The following IRAK3 variants were observed in gnomAD, a reference collection of about 807,000 sequenced individuals.
IRAK3 encodes interleukin-1 receptor-associated kinase 3.
IRAK3 carries 57 observed loss-of-function variants against 56.6 expected under a neutral mutation model. The ratio of observed to expected loss-of-function variants is 1.01; its 90% CI spans 0.81 to 1.26. The LOEUF (loss-of-function observed/expected upper bound fraction) is 1.26. Ranked by LOEUF, IRAK3 falls within the 50% of genes most tolerant of loss-of-function variation. The probability of loss-of-function intolerance (pLI) is 0.00; values close to 1 mark genes in which losing one functional copy is unlikely to be tolerated. For synonymous variants in IRAK3, 258 were observed against 255.7 expected (o/e 1.01, Z -0.09); for missense variants, 703 against 719.0 (o/e 0.98, Z 0.25).
intron 1 of IRAK3, among the ~76,000 whole-genome samples, chr12:66,191,016 A>C (rs1177237040): frequency 6.6e-6 from 1 of 152,206 alleles, no homozygotes; most frequent in Non-Finnish European, 1.5e-5. Context: ...GGACCACCCA[A>C]ATGAGAACAA....
chr12:66,219,707 A>C (rs921290439), intron 6 of IRAK3, among the ~76,000 whole-genome samples: 1 of 151,850 alleles, frequency 6.6e-6, no homozygotes, highest in Non-Finnish European at 1.5e-5. Flanking sequence ...ACCCTCAGCA[A>C]CTCTTGTATC....
Position 66,189,294 on chromosome 12 carries a change from C to A in IRAK3, c.-6C>A. On this transcript the variant is annotated 5_prime_UTR_variant, in exon 1 of 12. Coordinates refer to ENST00000261233, the MANE Select transcript of IRAK3 (RefSeq NM_007199.3). ...GCCTCGTCCCCGGGGCTCGGGCAGC[C>A]GAGCCATGGCGGGGAACTGTGGGGC... 5 of 1,535,768 alleles carry A rather than the reference C, an allele frequency of 3.3e-6. No homozygotes were observed. The highest frequency in any genetic ancestry group is 4.4e-6 in the Non-Finnish European group (5 of 1,147,538).
intron 8 of IRAK3, among the ~76,000 whole-genome samples, chr12:66,240,355 A>C (rs1009989961): frequency 6.6e-6 from 1 of 152,206 alleles, no homozygotes; most frequent in Non-Finnish European, 1.5e-5. Context: ...AGAAGGCACC[A>C]ACAAGCAAAA....
intron 8 of IRAK3, among the ~76,000 whole-genome samples, chr12:66,230,983 T>C (rs935471831): frequency 6.6e-6 from 1 of 152,160 alleles, no homozygotes; most frequent in Non-Finnish European, 1.5e-5. Context: ...TAATAGCTTC[T>C]ATCTCCTAGG....
chr12:66,236,750 G>T (rs1212542024), intron 8 of IRAK3, among the ~76,000 whole-genome samples: 1 of 151,936 alleles, frequency 6.6e-6, no homozygotes, highest in Non-Finnish European at 1.5e-5. Flanking sequence ...TTTTGTACTG[G>T]GCTCTGTACT....
intron 8 of IRAK3, among the ~76,000 whole-genome samples, chr12:66,232,336 A>G (rs922187274): frequency 1.3e-5 from 2 of 152,174 alleles, no homozygotes; most frequent in Non-Finnish European, 2.9e-5. Flanking sequence ...GGGCTCATCA[A>G]TGTGTCCCTG....
Position 66,248,809 on chromosome 12 carries a change from TGAC to T in IRAK3, c.*639_*641del, listed in dbSNP as rs1457841465. 2.0e-5 allele frequency: 3 copies of T among 152,390 alleles called. No homozygotes were observed. The East Asian group carries it at 5.8e-4, about 29-fold the overall frequency. 9.4% of individuals were successfully genotyped at this position (152,390 alleles called of 1,614,324 possible). ...ACTCTTAGGACAGTTTATCCTGTAT[TGAC>T]TATTATTACAGCTTTTTAAAAACAG... On this transcript the variant is annotated 3_prime_UTR_variant, in exon 12 of 12. Coordinates refer to ENST00000261233, the MANE Select transcript of IRAK3 (RefSeq NM_007199.3).
Position 66,247,764 on chromosome 12 carries a change from T to C in IRAK3, c.1384T>C (p.Ser462Pro), listed in dbSNP as rs748786712. The part of the protein sequence containing the change: ...FAEDPPTSLK[S>P]FRCPSPLFLE... The stretch of plus-strand genomic sequence containing the variant: ...TGAAGATCCTCCCACATCACTAAAG[T>C]CCTTCAGGTGTCCTTCTCCTCTATT... Residue 462 changes from serine to proline, a missense_variant, in exon 12 of 12, where the codon TCC (serine) becomes CCC (proline). Transcript: ENST00000261233. The C allele has an allele frequency of 6.2e-7, 1 of 1,614,180 alleles. No homozygotes were observed. The highest frequency in any genetic ancestry group is 1.1e-5 in the South Asian group (1 of 91,090).
chr12:66,189,516 G>A, intron 1 of IRAK3, 84 bp downstream of exon 1: 8 of 936,668 alleles, frequency 8.5e-6, no homozygotes, highest in Non-Finnish European at 1.1e-5. Context: ...CATGGCTGGG[G>A]TCCCTCGCGG....
At chr12:66,197,960 A>G (rs1459849127) in intron 1 of IRAK3, 9 of 985,272 alleles carry the variant, frequency 9.1e-6, no homozygotes, top group Non-Finnish European at 2.4e-6. Context: ...GTATGGAATG[A>G]AAAGCTGACA....
intron 8 of IRAK3, among the ~76,000 whole-genome samples, chr12:66,231,084 A>G (rs913719719): frequency 1.3e-5 from 2 of 152,222 alleles, no homozygotes; most frequent in African/African-American, 4.8e-5. Context: ...GGAGTGGCAC[A>G]GTGACAGAGG....
intron 4 of IRAK3, among the ~76,000 whole-genome samples, 196 bp downstream of exon 4, chr12:66,210,397 G>T (rs1253902372): frequency 6.6e-6 from 1 of 151,740 alleles, no homozygotes; most frequent in Non-Finnish European, 1.5e-5. Context: ...TTATGTTAAG[G>T]CTCCATTGGC....
rs1315013542 is a variant in IRAK3 at position 66,203,568 on chromosome 12, C to A, written c.134-143C>A. On this transcript the variant is annotated intron_variant, in intron 1 of 11. Transcript: ENST00000261233. ...TTAGCAGAAGGCAGGTGAATATATT[C>A]CAAATTAGTTCAAAATAAAAGTTAT... 3.9e-6 allele frequency: 3 copies of A among 776,418 alleles called. No homozygotes were observed. In the East Asian group the frequency reaches 8.0e-5, roughly 21 times the overall value. 48.1% of individuals were successfully genotyped at this position (776,418 alleles called of 1,614,324 possible).
intron 1 of IRAK3, among the ~76,000 whole-genome samples, chr12:66,193,408 G>A (rs528800199): frequency 6.6e-5 from 10 of 152,200 alleles, no homozygotes; most frequent in East Asian, 1.9e-4. Flanking sequence ...AGTACACTCC[G>A]CACCCAGTTT....
At chr12:66,202,001 ATG>A (rs2052512400) in intron 1 of IRAK3, among the ~76,000 whole-genome samples, 1 of 152,168 alleles carries the variant, frequency 6.6e-6, no homozygotes, top group Non-Finnish European at 1.5e-5. Flanking sequence ...GATTTTGCTA[ATG>A]TGTGTCTCAC....
At chr12:66,197,951 TA>T (rs1204296962) in intron 1 of IRAK3, 28 of 985,260 alleles carry the variant, frequency 2.8e-5, no homozygotes, top group Non-Finnish European at 3.1e-5. Flanking sequence ...TTATGGAAAG[TA>T]TGGAATGAAA....
rs753453927 is a variant in IRAK3, at chr12:66,244,999, CAT to C, written c.1141_1142del (p.Ile381ProfsTer7). 5 of 1,613,836 alleles carry C rather than the reference CAT, an allele frequency of 3.1e-6. No individual in the cohort carries two copies. The highest frequency in any genetic ancestry group is 4.2e-6 in the Non-Finnish European group (5 of 1,179,736). On this transcript the variant is annotated frameshift_variant, in exon 10 of 12. Coordinates refer to ENST00000261233, the MANE Select transcript of IRAK3 (RefSeq NM_007199.3). LOFTEE classifies it high-confidence loss of function. ...GCRVVLDDPK[H>X]IQLRDLLREL... ...TAGAGTAGTGTTAGATGATCCAAAACATATCCAGCTGGTAAGAATTGTTTTCA... is the reference window on the plus strand; with the variant it reads ...TAGAGTAGTGTTAGATGATCCAAAACATCCAGCTGGTAAGAATTGTTTTCA...
At chr12:66,220,544 G>A (rs1477415206) in intron 6 of IRAK3, among the ~76,000 whole-genome samples, 107 of 87,202 alleles carry the variant, frequency 1.2e-3, no homozygotes, top group Non-Finnish European at 1.7e-3. Context: ...TTTTTGAGAC[G>A]GAGTCTCGCT....
At chr12:66,243,869 C>G (rs2052998687) in intron 8 of IRAK3, among the ~76,000 whole-genome samples, 2 of 152,182 alleles carry the variant, frequency 1.3e-5, no homozygotes, top group Admixed American at 1.3e-4. Context: ...GCCAAAATGT[C>G]AGATGATTCT....
Sources: allele counts gnomAD v4.1 joint callset (sites outside exome capture counted in the v4.1 genomes callset), GRCh38; gene constraint gnomAD v4.1.1; transcripts MANE v1.5; gene names NCBI Gene and HGNC (gene_info 2026-07-23, HGNC 2026-07-21).